KAT6B: variants seen among roughly 807,000 people sequenced by gnomAD.
KAT6B encodes lysine acetyltransferase 6B.
Under a neutral mutation model 187.5 loss-of-function variants are expected in KAT6B, and 10 were observed. That is an observed-to-expected ratio of 0.05 (90% CI 0.03 to 0.09). KAT6B has a LOEUF of 0.09. Ranked by LOEUF, KAT6B falls within the 10% of genes least tolerant of loss-of-function variation. KAT6B has a pLI of 1.00. For missense variants in KAT6B, 1,952 were observed against 2,558.9 expected (o/e 0.76, Z 5.12); for synonymous variants, 861 against 926.8 (o/e 0.93, Z 1.29).
intron 3 of KAT6B, among the ~76,000 whole-genome samples, chr10:74,935,051 A>G (rs1219595556): frequency 3.9e-5 from 6 of 152,238 alleles, no homozygotes; most frequent in Admixed American, 2.6e-4. Context: ...ACTTGCAGCT[A>G]TTCTCTTTGG....
intron 13 of KAT6B, among the ~76,000 whole-genome samples, chr10:75,012,299 T>C (rs1280541026): frequency 6.6e-6 from 1 of 151,888 alleles, no homozygotes; most frequent in Non-Finnish European, 1.5e-5. Flanking sequence ...ATACAAACAT[T>C]AGCCAAGCAT....
At chr10:74,922,667 C>T (rs1197492494) in intron 3 of KAT6B, among the ~76,000 whole-genome samples, 2 of 152,126 alleles carry the variant, frequency 1.3e-5, no homozygotes, top group Non-Finnish European at 2.9e-5. Context: ...TCTAATGTGA[C>T]TTCAGTTTTT....
chr10:74,898,487 G>A (rs1301404973), intron 3 of KAT6B, among the ~76,000 whole-genome samples: 1 of 151,468 alleles, frequency 6.6e-6, no homozygotes, highest in African/African-American at 2.4e-5. Context: ...GTCTTACTCT[G>A]TTGCTCAAGG....
At chr10:74,966,220 C>T (rs1841458091) in intron 4 of KAT6B, among the ~76,000 whole-genome samples, 1 of 152,188 alleles carries the variant, frequency 6.6e-6, no homozygotes, top group Non-Finnish European at 1.5e-5. Flanking sequence ...CTTCCTCCTC[C>T]TTTTGCCATT....
At chr10:74,902,845 A>G (rs148818908) in intron 3 of KAT6B, among the ~76,000 whole-genome samples, 5 of 151,970 alleles carry the variant, frequency 3.3e-5, no homozygotes, top group African/African-American at 7.2e-5. Flanking sequence ...TTACTTATCA[A>G]CTCCTTTGAG....
chr10:75,031,270 A>G lies in KAT6B; in HGVS notation c.*224A>G. 1 of 550,534 alleles carries G rather than the reference A, an allele frequency of 1.8e-6. No individual in the cohort carries two copies. Among genetic ancestry groups the G allele is most frequent in the Admixed American group, 3.2e-5 (1 of 31,384 alleles). 34.1% of individuals were successfully genotyped at this position (550,534 alleles called of 1,614,324 possible). ...TTTTTTTGGTACCTTCATTTCTGTT[A>G]CTTTTATATAAAATTCTCTGCAAAG... On this transcript the variant is annotated 3_prime_UTR_variant, in exon 18 of 18. Coordinates refer to ENST00000287239, the MANE Select transcript of KAT6B (RefSeq NM_012330.4).
At chr10:74,874,973 C>A (rs1844302833) in intron 3 of KAT6B, among the ~76,000 whole-genome samples, 1 of 152,114 alleles carries the variant, frequency 6.6e-6, no homozygotes. Context: ...CCATTATCAA[C>A]CTCCCCCACC....
In KAT6B at chr10:74,916,019, C is replaced by G. The variant is rs185609163; in HGVS notation, c.622-43951C>G. Among the ~76,000 whole-genome samples the G allele has an allele frequency of 2.1e-3, 322 of 152,144 alleles. 1 individual carries two copies. Among genetic ancestry groups the G allele is most frequent in the African/African-American group, 7.4e-3 (307 of 41,520 alleles). ...CTCTACTAATAATACAAAAATTAGCCGGTCGTGGTGGTGTGCACCTGCAAT... is the reference window on the plus strand; with the variant it reads ...CTCTACTAATAATACAAAAATTAGCGGGTCGTGGTGGTGTGCACCTGCAAT... On this transcript the variant is annotated intron_variant, in intron 3 of 17. Transcript: ENST00000287239.
intron 13 of KAT6B, among the ~76,000 whole-genome samples, chr10:75,002,086 A>T (rs936150691): frequency 5.3e-5 from 8 of 152,140 alleles, no homozygotes; most frequent in Admixed American, 2.0e-4. Context: ...GGTAGCAGAG[A>T]TATTGCTCCC....
At chr10:74,900,117 G>A (rs1034611316) in intron 3 of KAT6B, among the ~76,000 whole-genome samples, 1 of 151,644 alleles carries the variant, frequency 6.6e-6, no homozygotes, top group African/African-American at 2.4e-5. Flanking sequence ...CCTAAACACA[G>A]ATAATGTTAA....
Position 75,025,189 on chromosome 10 carries a change from C to G in KAT6B, c.3604C>G (p.Gln1202Glu), listed in dbSNP as rs1348695159. 2 of 1,614,064 alleles carry G rather than the reference C, an allele frequency of 1.2e-6. No individual in the cohort carries two copies. The highest frequency in any genetic ancestry group is 2.7e-5 in the African/African-American group (2 of 74,924). Reference sequence around the variant, plus strand: ...CCAGCATCAGCCTGGGAAGAAAAGACAAACAGAGGAAGAGGAAGGAAAAGA... The same window carrying G: ...CCAGCATCAGCCTGGGAAGAAAAGAGAAACAGAGGAAGAGGAAGGAAAAGA... ...AFQHQPGKKR[Q>E]TEEEEGKDNH... The change falls in exon 17 of 18, where the codon CAA becomes GAA. Residue 1202 changes from glutamine (Q) to glutamate (E), a missense_variant. By Grantham distance (29) the Gln-to-Glu change is conservative. This residue lies in a region of KAT6B where 758 missense variants were observed against 891.4 expected (regional missense o/e 0.85). Transcript: ENST00000287239.
At chr10:75,014,106 A>C (rs1844809366) in intron 13 of KAT6B, among the ~76,000 whole-genome samples, 1 of 152,138 alleles carries the variant, frequency 6.6e-6, no homozygotes, top group Non-Finnish European at 1.5e-5. Flanking sequence ...TCATTTTCTC[A>C]TGAGTATACA....
At chr10:74,952,429 C>G (rs1840378684) in intron 3 of KAT6B, among the ~76,000 whole-genome samples, 1 of 151,912 alleles carries the variant, frequency 6.6e-6, no homozygotes, top group Non-Finnish European at 1.5e-5. Context: ...TCAGGGACAG[C>G]CTTTCTGCTG....
At chr10:74,936,151 CCAG>C (rs1217006304) in intron 3 of KAT6B, among the ~76,000 whole-genome samples, 1 of 151,958 alleles carries the variant, frequency 6.6e-6, no homozygotes, top group Non-Finnish European at 1.5e-5. Flanking sequence ...CCCTGTAATC[CCAG>C]CACTTTGGGA....
intron 3 of KAT6B, among the ~76,000 whole-genome samples, chr10:74,919,116 G>A (rs1291910006): frequency 6.6e-6 from 1 of 151,970 alleles, no homozygotes; most frequent in Non-Finnish European, 1.5e-5. Context: ...CCAGCTACTT[G>A]GGAGGCTAAA....
chr10:74,982,029 A>G, intron 11 of KAT6B, 101 bp downstream of exon 11: 2 of 1,105,308 alleles, frequency 1.8e-6, no homozygotes, highest in South Asian at 2.6e-5. Context: ...AGTATACTTA[A>G]TTTTGGCACT....
chr10:74,842,725 A>G lies in KAT6B; in HGVS notation c.-133A>G. ...TCTCTTAAGGATGGATGTTTGTAAG[A>G]TGTTGCTTAATACAGTCTGGAATAC... is the stretch of plus-strand genomic sequence containing the variant. On this transcript the variant is annotated 5_prime_UTR_variant, in exon 3 of 18. The change abolishes an upstream ATG in the 5' untranslated region. Transcript: ENST00000287239. 1.0e-6 allele frequency: 1 copy of G among 955,880 alleles called. No individual in the cohort carries two copies. The highest frequency in any genetic ancestry group is 1.7e-6 in the Non-Finnish European group (1 of 603,064). The allele number at this position is 955,880 out of a possible 1,614,324, so 59.2% of individuals were successfully genotyped here.
chr10:74,843,103 A>C lies in KAT6B; in HGVS notation c.246A>C (p.Ser82=). 1.9e-6 allele frequency: 3 copies of C among 1,614,226 alleles called. No individual in the cohort carries two copies. The highest frequency in any genetic ancestry group is 2.5e-6 in the Non-Finnish European group (3 of 1,180,038). The part of the protein sequence containing the change: ...KDPDNPGRFS[S]VKPGTFPKSA... ...CAGACAACCCTGGGCGCTTTTCATC[A>C]GTTAAACCAGGCACTTTTCCTAAGT... The change falls in exon 3 of 18, where the codon TCA becomes TCC. Residue 82 remains serine, a synonymous_variant. Coordinates refer to ENST00000287239, the MANE Select transcript of KAT6B (RefSeq NM_012330.4).
chr10:74,876,913 AAAAAT>A (rs1016742105), intron 3 of KAT6B, among the ~76,000 whole-genome samples: 4 of 151,972 alleles, frequency 2.6e-5, no homozygotes, highest in African/African-American at 9.7e-5. Context: ...ACTCCATCTC[AAAAAT>A]AAAATAAATA....
Sources: gnomAD v4.1 joint callset for allele counts (sites outside exome capture counted in the v4.1 genomes callset) on GRCh38, gnomAD v4.1.1 for gene constraint, gnomAD v4.1.1 regional missense constraint, MANE v1.5 for transcripts, NCBI Gene and HGNC (gene_info 2026-07-23, HGNC 2026-07-21) for gene names.